Variants in DNAH9 observed in about 807,000 individuals in gnomAD.
DNAH9 encodes the protein DNAH9 variant protein.
Under a neutral mutation model 471.6 loss-of-function variants are expected in DNAH9, and 345 were observed. That is an observed-to-expected ratio of 0.73 (90% CI 0.67 to 0.80). The LOEUF is 0.80. Among genes scored for constraint, DNAH9 ranks in the 30% least tolerant of loss-of-function variants. The pLI, the probability that DNAH9 is intolerant of heterozygous loss-of-function variation, is 0.00. For missense variants in DNAH9, 5,407 were observed against 5,609.2 expected, an observed-to-expected ratio of 0.96 and a Z score of 1.15; for synonymous variants, 2,093 against 2,123.6, an observed-to-expected ratio of 0.99 and a Z score of 0.40.
At chr17:11,792,306 T>C (rs909726520) in intron 41 of DNAH9, among the ~76,000 whole-genome samples, 2 of 152,126 alleles carry the variant, frequency 1.3e-5, no homozygotes, top group African/African-American at 2.4e-5. Flanking sequence ...AGGAAGCAGA[T>C]TGTAGTAATG....
intron 9 of DNAH9, among the ~76,000 whole-genome samples, chr17:11,637,001 G>A (rs913278372): frequency 1.3e-5 from 2 of 152,320 alleles, no homozygotes; most frequent in African/African-American, 2.4e-5. Context: ...TTGGCAGGCT[G>A]ACCCAGCGTG....
intron 55 of DNAH9, 38 bp from the exon 56 acceptor site, chr17:11,883,548 G>A (rs1972793067): frequency 6.2e-7 from 1 of 1,609,002 alleles, no homozygotes; most frequent in Admixed American, 1.7e-5. Context: ...GATGCCCTGG[G>A]CATCTGCACC....
In DNAH9 at chr17:11,721,323, G is replaced by A. The variant is rs532855007; in HGVS notation, c.5709+1833G>A. Among the ~76,000 whole-genome samples, 7 of 151,836 alleles carry A rather than the reference G, an allele frequency of 4.6e-5. No homozygotes were observed. The South Asian group carries it at 1.5e-3, about 32-fold the overall frequency. ...TTTGTTTGTTTGTTTTTCAACTATA[G>A]GCTAAGCTTCCATGGAATACAGGCT... On this transcript the variant is annotated intron_variant, in intron 27 of 68. Coordinates refer to ENST00000262442, the MANE Select transcript of DNAH9 (RefSeq NM_001372.4).
At position 11,852,175 on chromosome 17, in the gene DNAH9, G is replaced by A. The variant is rs370675831; in HGVS notation, c.9508-1828G>A. Among the ~76,000 whole-genome samples the A allele has an allele frequency of 9.9e-5, 15 of 152,246 alleles. No individual in the cohort carries two copies. In the South Asian group the frequency reaches 2.9e-3, roughly 29 times the overall value. On this transcript the variant is annotated intron_variant, in intron 49 of 68. Coordinates refer to ENST00000262442, the MANE Select transcript of DNAH9 (RefSeq NM_001372.4). ...GAGCTAGAAATAATTCTCTTTGTTT[G>A]TGGATCAAGAGCACCTCAAATTAAT...
At chr17:11,609,767 G>T (rs1448818716) in intron 2 of DNAH9, among the ~76,000 whole-genome samples, 1 of 152,194 alleles carries the variant, frequency 6.6e-6, no homozygotes, top group Non-Finnish European at 1.5e-5. Context: ...GAGGGGAAAA[G>T]TTTGGGAATT....
chr17:11,907,686 T>C (rs1476794125), intron 61 of DNAH9, among the ~76,000 whole-genome samples: 1 of 152,144 alleles, frequency 6.6e-6, no homozygotes, highest in Non-Finnish European at 1.5e-5. Context: ...TAACAGCATA[T>C]GCTTTGTGCC....
At chr17:11,717,373 T>A (rs1271567980) in intron 26 of DNAH9, among the ~76,000 whole-genome samples, 1 of 105,898 alleles carries the variant, frequency 9.4e-6, no homozygotes, top group East Asian at 2.9e-4. Flanking sequence ...TCTCTATTTT[T>A]TAAAGGGAAA....
At chr17:11,620,751 A>G (rs1269059065) in intron 6 of DNAH9, among the ~76,000 whole-genome samples, 1 of 152,128 alleles carries the variant, frequency 6.6e-6, no homozygotes, top group Non-Finnish European at 1.5e-5. Flanking sequence ...TGGCTGGGCT[A>G]TAACCATTCC....
chr17:11,810,325 C>T lies in DNAH9; in HGVS notation c.8663C>T (p.Ala2888Val), dbSNP rs149033349. 1.4e-4 allele frequency: 225 copies of T among 1,613,732 alleles called. No individual in the cohort carries two copies. The highest frequency in any genetic ancestry group is 2.5e-5 in the Non-Finnish European group (30 of 1,179,898). The stretch of plus-strand genomic sequence containing the variant: ...TTTCTCATGACTGATGCCCAAGTGG[C>T]TGATGAGAGGTTCCTTGTGCTCATC... ...TVFLMTDAQV[A>V]DERFLVLIND... Residue 2888 changes from alanine to valine, a missense_variant, in exon 45 of 69, where the codon GCT becomes GTT. Around this residue, in one of 3 missense-constraint regions of DNAH9, gnomAD observed 4,636 missense variants for 4,900.3 expected, o/e 0.95. Transcript: ENST00000262442.
intron 49 of DNAH9, among the ~76,000 whole-genome samples, chr17:11,837,678 C>T (rs182561535): frequency 6.6e-6 from 1 of 152,194 alleles, no homozygotes; most frequent in Non-Finnish European, 1.5e-5. Context: ...ACCATGTCAT[C>T]TCTGTGTTCA....
At chr17:11,794,490 G>A (rs2150909530) in intron 42 of DNAH9, among the ~76,000 whole-genome samples, 1 of 152,244 alleles carries the variant, frequency 6.6e-6, no homozygotes, top group Non-Finnish European at 1.5e-5. Flanking sequence ...ATATTTTAAT[G>A]CCACTTATCT....
intron 9 of DNAH9, among the ~76,000 whole-genome samples, chr17:11,639,548 A>G (rs149815184): frequency 2.0e-5 from 3 of 152,308 alleles, no homozygotes; most frequent in South Asian, 2.1e-4. Context: ...CTCATTCATC[A>G]TCTTATGGAA....
chr17:11,961,948 C>T lies in DNAH9; in HGVS notation c.12925C>T (p.Arg4309Ter), dbSNP rs199667439. The T allele has an allele frequency of 9.9e-6, 16 of 1,614,054 alleles. No individual in the cohort carries two copies. In the Middle Eastern group the frequency reaches 8.2e-4, roughly 83 times the overall value. Residue 4309 changes from arginine to a stop codon, truncating the protein, a stop_gained, in exon 68 of 69, where the codon CGA becomes TGA. Coordinates refer to ENST00000262442, the MANE Select transcript of DNAH9 (RefSeq NM_001372.4). LOFTEE classifies it high-confidence loss of function. ...TATGGTGCCAGAGTCCTGGGCTAGA[C>T]GAGCCTACCCTTCCACAGCAGGCCT... is the stretch of plus-strand genomic sequence containing the variant. ...FDMVPESWAR[R>*]AYPSTAGLAA... is the part of the protein sequence containing the mutation.
rs34441543 is a variant in DNAH9 at position 11,622,084 on chromosome 17, CA to C, written c.1350+2319del. Reference sequence around the variant, plus strand: ...CTGGGGACAGAGCGAGACTCCGTCTCAAAAAAAAAAAAAAAAGTGAGATTGA... The same window carrying C: ...CTGGGGACAGAGCGAGACTCCGTCTCAAAAAAAAAAAAAAAGTGAGATTGA... On this transcript the variant is annotated intron_variant, in intron 6 of 68. Transcript: ENST00000262442. Among the ~76,000 whole-genome samples, 709 of 125,012 alleles carry C rather than the reference CA, an allele frequency of 5.7e-3. 4 individuals carry two copies. Among genetic ancestry groups the C allele is most frequent in the African/African-American group, 0.017 (557 of 32,314 alleles). 82.0% of individuals were successfully genotyped at this position (125,012 alleles called of 152,430 possible). A position where few individuals can be genotyped will look rare whatever the true frequency, so the allele number is the denominator to read the frequency against.
intron 6 of DNAH9, among the ~76,000 whole-genome samples, chr17:11,621,619 G>A (rs922621603): frequency 6.6e-6 from 1 of 152,156 alleles, no homozygotes; most frequent in African/African-American, 2.4e-5. Flanking sequence ...ATCACCATGT[G>A]CCAGGCACGG....
Position 11,757,641 on chromosome 17 carries a change from C to G in DNAH9, c.6944C>G (p.Thr2315Ser), listed in dbSNP as rs563753086. ...REIQTERANL[T>S]ILFDKYLPTC... Reference sequence around the variant, plus strand: ...ATCCAGACAGAGAGAGCCAACTTAACCATTTTGTTCGACAAGTATCTTCCA... The same window carrying G: ...ATCCAGACAGAGAGAGCCAACTTAAGCATTTTGTTCGACAAGTATCTTCCA... Residue 2315 changes from threonine (T) to serine (S), a missense_variant, in exon 35 of 69, where the codon ACC becomes AGC. Thr to Ser is a moderately conservative substitution (Grantham distance 58). This residue lies in a region of DNAH9 where 4,636 missense variants were observed against 4,900.3 expected (regional missense o/e 0.95). Coordinates refer to ENST00000262442, the MANE Select transcript of DNAH9 (RefSeq NM_001372.4). 3.1e-6 allele frequency: 5 copies of G among 1,614,150 alleles called. No individual in the cohort carries two copies. In the South Asian group the frequency reaches 4.4e-5, roughly 14 times the overall value.
Position 11,747,580 on chromosome 17 carries a change from G to A in DNAH9, c.6424G>A (p.Ala2142Thr). 1 of 1,613,812 alleles carries A rather than the reference G, an allele frequency of 6.2e-7. No homozygotes were observed. Residue 2142 changes from alanine to threonine, a missense_variant, in exon 32 of 69, where the codon GCT becomes ACT. This residue lies in a region of DNAH9 where 4,636 missense variants were observed against 4,900.3 expected (regional missense o/e 0.95). Coordinates refer to ENST00000262442, the MANE Select transcript of DNAH9 (RefSeq NM_001372.4). ...LKVVQLEELL[A>T]VRHSVFVVGG... ...GGTGGTCCAGCTGGAGGAGCTCCTG[G>A]CTGTGCGGCACTCTGTATTTGTGGT...
chr17:11,862,500 C>T lies in DNAH9; in HGVS notation c.9934-6634C>T, dbSNP rs1260078507. 3.9e-4 allele frequency among the ~76,000 whole-genome samples: 53 copies of T among 137,654 alleles called. No homozygotes were observed. The East Asian group carries it at 7.2e-3, about 19-fold the overall frequency. 90.3% of individuals were successfully genotyped at this position (137,654 alleles called of 152,430 possible). On this transcript the variant is annotated intron_variant, in intron 50 of 68. Coordinates refer to ENST00000262442, the MANE Select transcript of DNAH9 (RefSeq NM_001372.4). ...TTGGCTTAGGATTGACTTGGCGATG[C>T]GGGCTCTTTTTTGGTTCCATATGAA...
intron 49 of DNAH9, among the ~76,000 whole-genome samples, chr17:11,846,531 T>C (rs1224136370): frequency 5.9e-4 from 88 of 149,648 alleles, no homozygotes; most frequent in Middle Eastern, 3.6e-3. Flanking sequence ...TTTTTTCCAA[T>C]TCTGTGAAGA....
Sources: gnomAD v4.1 joint callset for allele counts (sites outside exome capture counted in the v4.1 genomes callset) on GRCh38, gnomAD v4.1.1 for gene constraint, gnomAD v4.1.1 regional missense constraint, MANE v1.5 for transcripts, NCBI Gene and HGNC (gene_info 2026-07-23, HGNC 2026-07-21) for gene names.